Variants in ATXN7L1 observed in about 807,000 individuals in gnomAD.
ATXN7L1 encodes the protein ataxin 7 like 1.
Under a neutral mutation model 70.8 loss-of-function variants are expected in ATXN7L1, and 15 were observed. That is an observed-to-expected ratio of 0.21 (90% CI 0.14 to 0.33). The LOEUF (loss-of-function observed/expected upper bound fraction) is 0.33. ATXN7L1 is among the 10% of genes least tolerant of loss of function. ATXN7L1 has a pLI of 1.00. For synonymous variants in ATXN7L1, 440 were observed against 445.1 expected (o/e 0.99, Z 0.14); for missense variants, 975 against 1,097.1 (o/e 0.89, Z 1.57).
At chr7:105,677,093 C>T (rs1035116165) in intron 3 of ATXN7L1, among the ~76,000 whole-genome samples, 2 of 152,208 alleles carry the variant, frequency 1.3e-5, no homozygotes, top group African/African-American at 4.8e-5. Context: ...TGCACTTCCA[C>T]ATCAGAGAAC....
intron 2 of ATXN7L1, 30 bp downstream of exon 2, chr7:105,875,782 T>C (rs1374667625): frequency 1.3e-6 from 2 of 1,587,288 alleles, no homozygotes. Flanking sequence ...CCACACATGC[T>C]AACACTAAAA....
At chr7:105,866,637 G>C (rs768958856) in intron 2 of ATXN7L1, among the ~76,000 whole-genome samples, 7 of 152,232 alleles carry the variant, frequency 4.6e-5, no homozygotes, top group East Asian at 1.9e-4. Flanking sequence ...CCACAGGAGA[G>C]AGTAAGAGAA....
chr7:105,700,390 C>T (rs1034338095), intron 3 of ATXN7L1, among the ~76,000 whole-genome samples: 7 of 151,338 alleles, frequency 4.6e-5, no homozygotes, highest in Non-Finnish European at 8.8e-5. Context: ...TCCTGTTGTC[C>T]CAGCTACTTA....
intron 4 of ATXN7L1, among the ~76,000 whole-genome samples, chr7:105,655,605 C>A (rs1800499952): frequency 6.6e-6 from 1 of 152,168 alleles, no homozygotes; most frequent in South Asian, 2.1e-4. Flanking sequence ...AGACGACTCT[C>A]TGTGTCTTCA....
At chr7:105,842,080 G>A (rs1813295608) in intron 2 of ATXN7L1, among the ~76,000 whole-genome samples, 1 of 152,162 alleles carries the variant, frequency 6.6e-6, no homozygotes, top group Non-Finnish European at 1.5e-5. Context: ...GCCACGTCAA[G>A]CCACTCTGGG....
chr7:105,793,651 C>T (rs909700077), intron 2 of ATXN7L1, among the ~76,000 whole-genome samples: 7 of 152,174 alleles, frequency 4.6e-5, no homozygotes, highest in East Asian at 3.9e-4. Context: ...CCAATGAAGA[C>T]GGAACTTTGT....
chr7:105,631,158 G>A (rs1179331557), intron 7 of ATXN7L1, among the ~76,000 whole-genome samples: 2 of 152,144 alleles, frequency 1.3e-5, no homozygotes, highest in Non-Finnish European at 2.9e-5. Flanking sequence ...GTATGGTAAT[G>A]TATGTTTTCT....
At chr7:105,791,333 A>C (rs1481879913) in intron 2 of ATXN7L1, among the ~76,000 whole-genome samples, 1 of 152,086 alleles carries the variant, frequency 6.6e-6, no homozygotes, top group Non-Finnish European at 1.5e-5. Flanking sequence ...ACTGGCACAC[A>C]CTGTCTTCTG....
intron 9 of ATXN7L1, among the ~76,000 whole-genome samples, chr7:105,618,895 A>C (rs1326204864): frequency 6.6e-6 from 1 of 152,194 alleles, no homozygotes; most frequent in Non-Finnish European, 1.5e-5. Context: ...TTAAAATGTA[A>C]GTACACTGGG....
intron 2 of ATXN7L1, among the ~76,000 whole-genome samples, chr7:105,794,592 T>G (rs1465899231): frequency 1.3e-5 from 2 of 152,220 alleles, no homozygotes; most frequent in Admixed American, 1.3e-4. Flanking sequence ...TCATGTACCA[T>G]ACTGGGACGC....
intron 3 of ATXN7L1, among the ~76,000 whole-genome samples, chr7:105,743,086 T>A (rs1349878400): frequency 1.3e-5 from 2 of 152,164 alleles, no homozygotes; most frequent in Admixed American, 6.5e-5. Flanking sequence ...TGGTCAGAGA[T>A]GAGTGGGAGC....
chr7:105,628,517 C>T (rs1207894259), intron 7 of ATXN7L1, among the ~76,000 whole-genome samples: 1 of 151,960 alleles, frequency 6.6e-6, no homozygotes, highest in Admixed American at 6.6e-5. Flanking sequence ...TGGCCGGGCG[C>T]AGTGGCTCAC....
At chr7:105,806,099 T>C (rs1585047949) in intron 2 of ATXN7L1, among the ~76,000 whole-genome samples, 1 of 152,158 alleles carries the variant, frequency 6.6e-6, no homozygotes, top group Middle Eastern at 3.4e-3. Context: ...GACTTAGAGC[T>C]TTCTGGCTTG....
intron 2 of ATXN7L1, among the ~76,000 whole-genome samples, chr7:105,805,263 G>A (rs768159930): frequency 3.9e-5 from 6 of 152,170 alleles, no homozygotes; most frequent in Non-Finnish European, 5.9e-5. Context: ...CTCTATAACC[G>A]GCCTTCCTGG....
chr7:105,833,401 G>A (rs955498801), intron 2 of ATXN7L1, among the ~76,000 whole-genome samples: 103 of 152,236 alleles, frequency 6.8e-4, no homozygotes, highest in African/African-American at 2.3e-3. Context: ...GCAGAGCCTG[G>A]CACACGCTAC....
intron 3 of ATXN7L1, among the ~76,000 whole-genome samples, chr7:105,695,377 T>C (rs1470128944): frequency 2.0e-5 from 3 of 151,384 alleles, no homozygotes; most frequent in East Asian, 3.9e-4. Context: ...TAGTGTTTCA[T>C]AGTGAATGTG....
intron 2 of ATXN7L1, among the ~76,000 whole-genome samples, chr7:105,844,501 CAG>C (rs1314173389): frequency 2.6e-5 from 4 of 152,280 alleles, no homozygotes; most frequent in African/African-American, 9.6e-5. Context: ...TCAACGGACA[CAG>C]AAAATGCATT....
At position 105,627,841 on chromosome 7, in the gene ATXN7L1, GT is replaced by G. The variant is rs36028028; in HGVS notation, c.1203-3575del. Among the ~76,000 whole-genome samples, 42 of 86,450 alleles carry G rather than the reference GT, an allele frequency of 4.9e-4. No homozygotes were observed. In the East Asian group the frequency reaches 7.0e-3, roughly 14 times the overall value. The allele number at this position is 86,450 out of a possible 152,430, so 56.7% of individuals were successfully genotyped here. On this transcript the variant is annotated intron_variant, in intron 7 of 11. Coordinates refer to ENST00000419735, the MANE Select transcript of ATXN7L1 (RefSeq NM_020725.2). ...GCCACCACGCCCGGTCCTGTCTTTA[GT>G]TTTTTTTTTTTTTTTTTTTTGAGAT...
intron 3 of ATXN7L1, among the ~76,000 whole-genome samples, chr7:105,714,502 T>C (rs557203003): frequency 2.0e-5 from 3 of 152,304 alleles, no homozygotes; most frequent in African/African-American, 7.2e-5. Flanking sequence ...ATTACTATAG[T>C]AATATTATAA....
Sources: gnomAD v4.1 joint callset for allele counts (sites outside exome capture counted in the v4.1 genomes callset) on GRCh38, gnomAD v4.1.1 for gene constraint, MANE v1.5 for transcripts, NCBI Gene and HGNC (gene_info 2026-07-23, HGNC 2026-07-21) for gene names.